KIF4A: variants seen among roughly 807,000 people sequenced by gnomAD.
KIF4A encodes chromosome-associated kinesin KIF4A.
A neutral mutation model predicts 105.9 loss-of-function variants in KIF4A; 7 were observed. That is an observed-to-expected ratio of 0.07 (90% CI 0.04 to 0.12). The LOEUF is 0.12. KIF4A is among the 10% of genes least tolerant of loss of function. KIF4A has a pLI of 1.00. For missense variants in KIF4A, 558 were observed against 929.2 expected (o/e 0.60, Z 5.19); for synonymous variants, 281 against 331.3 (o/e 0.85, Z 1.65).
intron 15 of KIF4A, among the ~76,000 whole-genome samples, chrX:70,368,284 C>T (rs5980695): frequency 0.017 from 1,883 of 112,305 alleles, 37 homozygotes; most frequent in African/African-American, 0.057. Flanking sequence ...TGCTCCATTG[C>T]TGGTGAGGAG....
chrX:70,357,454 C>A (rs1426331843), intron 15 of KIF4A, among the ~76,000 whole-genome samples: 1 of 112,112 alleles, frequency 8.9e-6, no homozygotes, highest in Non-Finnish European at 1.9e-5. Flanking sequence ...GGGCTGTTGC[C>A]CACTCACCAG....
chrX:70,339,144 C>T (rs1244974712), intron 10 of KIF4A, among the ~76,000 whole-genome samples: 2 of 108,627 alleles, frequency 1.8e-5, no homozygotes, highest in South Asian at 4.0e-4. Context: ...GTAATAATGT[C>T]GTTTTATGTT....
chrX:70,411,965 C>T (rs1331894308), intron 28 of KIF4A, among the ~76,000 whole-genome samples: 2 of 109,968 alleles, frequency 1.8e-5, no homozygotes, highest in African/African-American at 6.7e-5. Context: ...GGTGGGTTGC[C>T]AGCAGTTGTG....
intron 15 of KIF4A, chrX:70,361,595 A>G (rs1180139339): frequency 6.0e-6 from 1 of 167,030 alleles, no homozygotes; most frequent in African/African-American, 3.1e-5. Context: ...ATTCACCACC[A>G]TGACAAACTT....
intron 5 of KIF4A, 46 bp from the exon 6 acceptor site, chrX:70,301,854 A>G (rs1048736615): frequency 8.5e-7 from 1 of 1,179,112 alleles, no homozygotes; most frequent in African/African-American, 1.8e-5. Context: ...CTGACCAAGC[A>G]TTTGAAGTAT....
chrX:70,371,235 CT>C (rs71903097), intron 15 of KIF4A, among the ~76,000 whole-genome samples: 3 of 99,124 alleles, frequency 3.0e-5, no homozygotes, highest in African/African-American at 7.2e-5. Context: ...ACTTCGTTTT[CT>C]TTTTTTTTTT....
chrX:70,349,720 C>G (rs1448794743), intron 13 of KIF4A, among the ~76,000 whole-genome samples: 4 of 68,260 alleles, frequency 5.9e-5, no homozygotes, highest in Non-Finnish European at 8.1e-5. Context: ...ACGCTCCTCA[C>G]CTCCCAGACG....
intron 18 of KIF4A, among the ~76,000 whole-genome samples, chrX:70,381,006 A>G (rs1042590312): frequency 4.6e-5 from 5 of 108,974 alleles, no homozygotes; most frequent in Non-Finnish European, 9.5e-5. Context: ...AACATTAGCC[A>G]GGCATGGTAG....
chrX:70,365,392 T>C (rs1345100608), intron 15 of KIF4A, among the ~76,000 whole-genome samples: 2 of 111,283 alleles, frequency 1.8e-5, no homozygotes, highest in Non-Finnish European at 3.8e-5. Flanking sequence ...TCATAGATAG[T>C]TCTTATTATT....
intron 22 of KIF4A, among the ~76,000 whole-genome samples, chrX:70,398,237 C>T (rs1406892718): frequency 3.6e-5 from 4 of 111,581 alleles, no homozygotes; most frequent in African/African-American, 1.3e-4. Flanking sequence ...AGGGTTTCAC[C>T]ATGTTGGCCA....
At chrX:70,327,173 T>A (rs1485684574) in intron 7 of KIF4A, among the ~76,000 whole-genome samples, 4 of 112,011 alleles carry the variant, frequency 3.6e-5, no homozygotes, top group Non-Finnish European at 7.5e-5. Context: ...GCAGGCAGGT[T>A]TGATAAATCT....
At chrX:70,375,148 T>G in intron 16 of KIF4A, 56 bp from the exon 17 acceptor site, 2 of 1,184,696 alleles carry the variant, frequency 1.7e-6, no homozygotes, top group South Asian at 3.7e-5. Flanking sequence ...GTATTATGTC[T>G]TTTGAAGTCA....
chrX:70,291,248 A>C (rs929218576), intron 3 of KIF4A, among the ~76,000 whole-genome samples: 2 of 111,914 alleles, frequency 1.8e-5, no homozygotes, highest in Non-Finnish European at 3.8e-5. Context: ...AAAATTTTTA[A>C]ATTTTTTGTA....
intron 13 of KIF4A, among the ~76,000 whole-genome samples, chrX:70,344,212 A>G (rs992651303): frequency 1.8e-5 from 2 of 112,340 alleles, no homozygotes; most frequent in African/African-American, 6.5e-5. Flanking sequence ...CAAATAACAG[A>G]AGCAACAACA....
At chrX:70,298,579 T>A (rs1442569094) in intron 4 of KIF4A, among the ~76,000 whole-genome samples, 1 of 111,711 alleles carries the variant, frequency 9.0e-6, no homozygotes, top group African/African-American at 3.3e-5. Flanking sequence ...GTGGCCAACA[T>A]AATTGAATAT....
intron 7 of KIF4A, among the ~76,000 whole-genome samples, chrX:70,324,238 A>G (rs2085902276): frequency 8.9e-6 from 1 of 112,326 alleles, no homozygotes; most frequent in South Asian, 3.7e-4. Context: ...AGCCTCATCA[A>G]GATAAAGTTA....
At chrX:70,372,047 G>C (rs1310408601) in intron 15 of KIF4A, among the ~76,000 whole-genome samples, 1 of 108,719 alleles carries the variant, frequency 9.2e-6, no homozygotes, top group African/African-American at 3.4e-5. Context: ...CAGACGATGG[G>C]CGGCCAGGCA....
At chrX:70,406,028 C>T (rs2086298971) in intron 26 of KIF4A, 123 bp downstream of exon 26, 1 of 567,402 alleles carries the variant, frequency 1.8e-6, no homozygotes. Flanking sequence ...CATTTAGTTT[C>T]CATGTGACAT....
intron 15 of KIF4A, among the ~76,000 whole-genome samples, chrX:70,368,194 G>A (rs1399416046): frequency 1.8e-5 from 2 of 111,635 alleles, no homozygotes; most frequent in South Asian, 3.8e-4. Context: ...TCATGGGTTC[G>A]AACTTCCTCC....
Sources: gnomAD v4.1 joint callset for allele counts (sites outside exome capture counted in the v4.1 genomes callset) on GRCh38, gnomAD v4.1.1 for gene constraint, MANE v1.5 for transcripts, NCBI Gene and HGNC (gene_info 2026-07-23, HGNC 2026-07-21) for gene names.